Variants in TRPS1 observed in about 807,000 individuals in gnomAD.
The protein encoded by TRPS1 is transcriptional repressor GATA binding 1.
In TRPS1, 6 loss-of-function variants were observed where a neutral mutation model predicts 101.2. That is an observed-to-expected ratio of 0.06 (90% CI 0.03 to 0.12). The LOEUF is 0.12. Ranked by LOEUF, TRPS1 falls within the 10% of genes least tolerant of loss-of-function variation. The probability of loss-of-function intolerance (pLI) is 1.00; values close to 1 mark genes in which losing one functional copy is unlikely to be tolerated. For synonymous variants in TRPS1, 578 were observed against 589.8 expected (o/e 0.98, Z 0.29); for missense variants, 1,363 against 1,567.0 (o/e 0.87, Z 2.20).
intron 1 of TRPS1, among the ~76,000 whole-genome samples, chr8:115,647,791 TTTGAGA>T (rs1418315389): frequency 2.0e-5 from 3 of 152,196 alleles, no homozygotes; most frequent in Non-Finnish European, 4.4e-5. Context: ...GTTATATTCA[TTTGAGA>T]TTATTTTTTC....
intron 5 of TRPS1, among the ~76,000 whole-genome samples, chr8:115,469,856 A>G (rs370886913): frequency 6.6e-6 from 1 of 152,248 alleles, no homozygotes; most frequent in Admixed American, 6.5e-5. Flanking sequence ...ACCAACCACT[A>G]TGCCATATCA....
intron 5 of TRPS1, among the ~76,000 whole-genome samples, chr8:115,472,971 C>T (rs1814510377): frequency 2.0e-5 from 3 of 152,218 alleles, no homozygotes; most frequent in Admixed American, 2.0e-4. Flanking sequence ...TACTCAAAGC[C>T]ATTCAACAAG....
chr8:115,518,758 T>C (rs1416178807), intron 5 of TRPS1, among the ~76,000 whole-genome samples: 1 of 151,804 alleles, frequency 6.6e-6, no homozygotes, highest in Non-Finnish European at 1.5e-5. Flanking sequence ...AAAATAGAGG[T>C]TAGAAGAGTA....
At chr8:115,511,481 T>A (rs541005881) in intron 5 of TRPS1, among the ~76,000 whole-genome samples, 1 of 151,916 alleles carries the variant, frequency 6.6e-6, no homozygotes, top group Non-Finnish European at 1.5e-5. Context: ...ACAGCTTCAA[T>A]CATTTCCTAT....
At chr8:115,614,635 C>G (rs1465812049) in intron 3 of TRPS1, among the ~76,000 whole-genome samples, 1 of 152,122 alleles carries the variant, frequency 6.6e-6, no homozygotes, top group Non-Finnish European at 1.5e-5. Flanking sequence ...GGTTCATATG[C>G]CAAACATTCT....
Position 115,521,871 on chromosome 8 carries a change from A to G in TRPS1, c.2700+65130T>C, listed in dbSNP as rs558653189. Among the ~76,000 whole-genome samples, 2 of 152,066 alleles carry G rather than the reference A, an allele frequency of 1.3e-5. 1 individual carries two copies. On this transcript the variant is annotated intron_variant, in intron 5 of 6. Transcript: ENST00000395715. ...TATATATCTTTCCCTGATTTTACCA[A>G]TATTAAGTATATTCCAAGATTACAA... is the stretch of plus-strand genomic sequence containing the variant.
At chr8:115,549,684 A>C (rs1816659039) in intron 5 of TRPS1, among the ~76,000 whole-genome samples, 3 of 151,938 alleles carry the variant, frequency 2.0e-5, no homozygotes, top group South Asian at 2.1e-4. Flanking sequence ...AAAAAAAAAA[A>C]AAAACGCTAA....
chr8:115,500,562 C>G (rs1243351661), intron 5 of TRPS1, among the ~76,000 whole-genome samples: 1 of 152,138 alleles, frequency 6.6e-6, no homozygotes, highest in Non-Finnish European at 1.5e-5. Flanking sequence ...AACATTGTTG[C>G]CAGTTTATCA....
chr8:115,507,697 G>A (rs1313094926), intron 5 of TRPS1, among the ~76,000 whole-genome samples: 1 of 152,120 alleles, frequency 6.6e-6, no homozygotes, highest in African/African-American at 2.4e-5. Context: ...AAAGTTGACA[G>A]ATAATACATG....
At chr8:115,631,829 A>G (rs1229368971) in intron 1 of TRPS1, among the ~76,000 whole-genome samples, 2 of 152,304 alleles carry the variant, frequency 1.3e-5, no homozygotes, top group African/African-American at 4.8e-5. Flanking sequence ...ACGACATCCA[A>G]GGAATCAAGG....
intron 1 of TRPS1, among the ~76,000 whole-genome samples, chr8:115,628,160 A>G (rs1818551920): frequency 6.6e-6 from 1 of 151,790 alleles, no homozygotes; most frequent in Non-Finnish European, 1.5e-5. Flanking sequence ...TGAAACTAGG[A>G]AACAACTCAC....
At chr8:115,464,328 T>C (rs1814265704) in intron 5 of TRPS1, among the ~76,000 whole-genome samples, 1 of 152,166 alleles carries the variant, frequency 6.6e-6, no homozygotes, top group African/African-American at 2.4e-5. Context: ...GGTAGGCCAT[T>C]GGATCAAGTG....
At chr8:115,498,415 C>CTCTATATA (rs1486361297) in intron 5 of TRPS1, among the ~76,000 whole-genome samples, 10 of 39,318 alleles carry the variant, frequency 2.5e-4, no homozygotes, top group African/African-American at 4.4e-4. Flanking sequence ...CTCTCTCTCT[C>CTCTATATA]TATATATATA....
intron 5 of TRPS1, among the ~76,000 whole-genome samples, chr8:115,467,960 T>G (rs776887833): frequency 6.6e-6 from 1 of 152,202 alleles, no homozygotes; most frequent in African/African-American, 2.4e-5. Context: ...TTAGAATGAC[T>G]GAGGCAGCCT....
intron 5 of TRPS1, among the ~76,000 whole-genome samples, chr8:115,453,664 C>G (rs1813939400): frequency 6.6e-6 from 1 of 152,180 alleles, no homozygotes; most frequent in African/African-American, 2.4e-5. Flanking sequence ...TAGAGAAACT[C>G]ATGAAAATGA....
chr8:115,529,295 A>C (rs1816074545), intron 5 of TRPS1, among the ~76,000 whole-genome samples: 3 of 152,064 alleles, frequency 2.0e-5, no homozygotes, highest in African/African-American at 7.2e-5. Flanking sequence ...CTAAGTGTAG[A>C]CCTTCAAAAA....
intron 1 of TRPS1, among the ~76,000 whole-genome samples, 176 bp from the exon 2 acceptor site, chr8:115,623,934 G>C (rs924923513): frequency 2.0e-5 from 3 of 151,966 alleles, no homozygotes; most frequent in Non-Finnish European, 4.4e-5. Flanking sequence ...AAAGCAACAA[G>C]AGAAGGAGGA....
chr8:115,458,689 C>T (rs1308151240), intron 5 of TRPS1, among the ~76,000 whole-genome samples: 1 of 152,160 alleles, frequency 6.6e-6, no homozygotes, highest in Admixed American at 6.5e-5. Context: ...TGGCGTCCAG[C>T]ACCAGGGAAA....
intron 1 of TRPS1, among the ~76,000 whole-genome samples, chr8:115,626,171 T>C (rs532199743): frequency 1.3e-5 from 2 of 151,504 alleles, no homozygotes; most frequent in East Asian, 1.9e-4. Context: ...AAGCAAGTGA[T>C]AGCAAAATAA....
Sources: gnomAD v4.1 joint callset for allele counts (sites outside exome capture counted in the v4.1 genomes callset) on GRCh38, gnomAD v4.1.1 for gene constraint, MANE v1.5 for transcripts, NCBI Gene and HGNC (gene_info 2026-07-23, HGNC 2026-07-21) for gene names.